KATNIP: variants seen among roughly 807,000 people sequenced by gnomAD.
KATNIP encodes the protein katanin interacting protein, also known as katanin-interacting protein.
In KATNIP, 126 loss-of-function variants were observed where a neutral mutation model predicts 174.0. That is an observed-to-expected ratio of 0.72 (90% CI 0.63 to 0.84). The LOEUF (loss-of-function observed/expected upper bound fraction) is 0.84, where lower values mean the gene tolerates loss of function less well. Ranked by LOEUF, KATNIP falls within the 40% of genes least tolerant of loss-of-function variation. The pLI is 0.00. For missense variants in KATNIP, 1,958 were observed against 2,109.7 expected, an observed-to-expected ratio of 0.93 and a Z score of 1.41; for synonymous variants, 810 against 835.7, an observed-to-expected ratio of 0.97 and a Z score of 0.53.
chr16:27,597,726 G>A (rs1244465984), intron 2 of KATNIP, among the ~76,000 whole-genome samples: 1 of 152,110 alleles, frequency 6.6e-6, no homozygotes, highest in Non-Finnish European at 1.5e-5. Context: ...GGGTCTGTGG[G>A]ATTTGGTGTC....
chr16:27,697,297 C>T (rs2078947036), intron 8 of KATNIP, among the ~76,000 whole-genome samples: 1 of 152,124 alleles, frequency 6.6e-6, no homozygotes, highest in Non-Finnish European at 1.5e-5. Context: ...TCCCTTTAAT[C>T]CCCAACCTCG....
chr16:27,722,128 G>A (rs2080269683), intron 14 of KATNIP, among the ~76,000 whole-genome samples: 1 of 152,160 alleles, frequency 6.6e-6, no homozygotes, highest in Admixed American at 6.5e-5. Context: ...CTAAAATGCA[G>A]GTTCTAATTC....
At chr16:27,767,660 A>C (rs1462686934) in intron 20 of KATNIP, among the ~76,000 whole-genome samples, 1 of 152,196 alleles carries the variant, frequency 6.6e-6, no homozygotes, top group Non-Finnish European at 1.5e-5. Context: ...GCAGTGAGCT[A>C]TGATCTCATC....
chr16:27,640,053 C>T (rs2142247325), intron 5 of KATNIP, among the ~76,000 whole-genome samples: 1 of 152,318 alleles, frequency 6.6e-6, no homozygotes, highest in South Asian at 2.1e-4. Context: ...TAATGCACAC[C>T]TTTTAAAACA....
At chr16:27,607,563 G>T (rs1433473861) in intron 2 of KATNIP, among the ~76,000 whole-genome samples, 1 of 151,586 alleles carries the variant, frequency 6.6e-6, no homozygotes, top group Non-Finnish European at 1.5e-5. Flanking sequence ...TGGGGGTGTG[G>T]AAGAGCTCTG....
At chr16:27,653,714 A>C (rs1303059351) in intron 6 of KATNIP, among the ~76,000 whole-genome samples, 1 of 150,958 alleles carries the variant, frequency 6.6e-6, no homozygotes, top group Admixed American at 6.6e-5. Context: ...GCTGGAGTGC[A>C]GTAGCACAAT....
chr16:27,693,458 G>A (rs978212444), intron 8 of KATNIP, among the ~76,000 whole-genome samples: 22 of 152,016 alleles, frequency 1.4e-4, no homozygotes, highest in East Asian at 1.3e-3. Flanking sequence ...GCATGATCTC[G>A]ACTTACTGCA....
At chr16:27,752,017 T>G (rs1263940623) in intron 17 of KATNIP, 93 bp downstream of exon 17, 1 of 974,466 alleles carries the variant, frequency 1.0e-6, no homozygotes, top group Non-Finnish European at 1.4e-6. Flanking sequence ...ATGGATATCC[T>G]TTAAGCTGCT....
intron 2 of KATNIP, among the ~76,000 whole-genome samples, chr16:27,592,270 C>CTTTTTTTT (rs71137799): frequency 4.5e-5 from 2 of 44,780 alleles, no homozygotes; most frequent in Non-Finnish European, 3.7e-5. Flanking sequence ...GCATATATTA[C>CTTTTTTTT]TTTTTTTTTT....
intron 8 of KATNIP, among the ~76,000 whole-genome samples, chr16:27,684,227 A>T (rs920806170): frequency 1.3e-5 from 2 of 152,172 alleles, no homozygotes; most frequent in Non-Finnish European, 2.9e-5. Context: ...TGTACAGAGG[A>T]GATGGAGGCA....
intron 2 of KATNIP, among the ~76,000 whole-genome samples, chr16:27,576,245 A>G (rs1426525686): frequency 6.6e-6 from 1 of 152,050 alleles, no homozygotes; most frequent in Non-Finnish European, 1.5e-5. Flanking sequence ...AGCCACTCCC[A>G]TTGTGCCCAT....
At chr16:27,550,949 T>C (rs765665363) in intron 1 of KATNIP, among the ~76,000 whole-genome samples, 7 of 152,188 alleles carry the variant, frequency 4.6e-5, no homozygotes, top group Non-Finnish European at 1.0e-4. Context: ...GTGAGCCGGA[T>C]TGAGGCTGTA....
chr16:27,750,807 G>A (rs2081489288), intron 16 of KATNIP, among the ~76,000 whole-genome samples: 2 of 139,260 alleles, frequency 1.4e-5, no homozygotes, highest in African/African-American at 5.5e-5. Context: ...TCGGCTCACT[G>A]CAGCTTCGAC....
At chr16:27,713,842 A>ATATC (rs2079792173) in intron 13 of KATNIP, among the ~76,000 whole-genome samples, 3 of 71,062 alleles carry the variant, frequency 4.2e-5, no homozygotes, top group South Asian at 4.1e-4. Flanking sequence ...ATATATATAT[A>ATATC]TATATATATA....
chr16:27,769,039 A>G (rs2082212352), intron 20 of KATNIP, among the ~76,000 whole-genome samples: 1 of 152,224 alleles, frequency 6.6e-6, no homozygotes, highest in African/African-American at 2.4e-5. Flanking sequence ...CTCAGACTCT[A>G]CCATTAGGAC....
intron 18 of KATNIP, among the ~76,000 whole-genome samples, chr16:27,757,775 G>T (rs371698114): frequency 1.3e-5 from 2 of 152,130 alleles, no homozygotes; most frequent in African/African-American, 4.8e-5. Flanking sequence ...TCACCACTCC[G>T]TGCAAGAGCG....
At chr16:27,645,083 G>A (rs1010228082) in intron 5 of KATNIP, among the ~76,000 whole-genome samples, 5 of 152,166 alleles carry the variant, frequency 3.3e-5, no homozygotes, top group Non-Finnish European at 5.9e-5. Flanking sequence ...TTTACCTGTG[G>A]CCTTGGAGCA....
intron 2 of KATNIP, among the ~76,000 whole-genome samples, chr16:27,578,014 C>G (rs2090562429): frequency 6.6e-6 from 1 of 152,180 alleles, no homozygotes; most frequent in East Asian, 1.9e-4. Context: ...TTCATTCATA[C>G]TTATATAACT....
intron 12 of KATNIP, among the ~76,000 whole-genome samples, chr16:27,706,815 C>T (rs1408316248): frequency 6.6e-6 from 1 of 152,244 alleles, no homozygotes; most frequent in Non-Finnish European, 1.5e-5. Flanking sequence ...AATCCCCAGA[C>T]TGACCACTCA....
Sources: gnomAD v4.1 joint callset for allele counts (sites outside exome capture counted in the v4.1 genomes callset) on GRCh38, gnomAD v4.1.1 for gene constraint, MANE v1.5 for transcripts, NCBI Gene and HGNC (gene_info 2026-07-23, HGNC 2026-07-21) for gene names.